Variants in ITGA8 observed in about 807,000 individuals in gnomAD.
The protein encoded by ITGA8 is integrin alpha-8.
A neutral mutation model predicts 142.3 loss-of-function variants in ITGA8; 91 were observed. That is an observed-to-expected ratio of 0.64 (90% CI 0.54 to 0.76). The LOEUF (loss-of-function observed/expected upper bound fraction) is 0.76. ITGA8 is among the 30% of genes least tolerant of loss of function. The pLI is 0.00. For synonymous variants in ITGA8, 505 were observed against 485.2 expected, an observed-to-expected ratio of 1.04 and a Z score of -0.54; for missense variants, 1,406 against 1,327.7, an observed-to-expected ratio of 1.06 and a Z score of -0.92.
At chr10:15,636,046 C>T (rs546965585) in intron 13 of ITGA8, among the ~76,000 whole-genome samples, 3 of 151,934 alleles carry the variant, frequency 2.0e-5, no homozygotes, top group Non-Finnish European at 4.4e-5. Flanking sequence ...ATAGTAGGGG[C>T]CCGGATGAGA....
intron 12 of ITGA8, among the ~76,000 whole-genome samples, chr10:15,645,127 A>G (rs1261568018): frequency 6.6e-6 from 1 of 151,288 alleles, no homozygotes; most frequent in African/African-American, 2.4e-5. Flanking sequence ...AGATGATCTA[A>G]AAACTCAGAT....
chr10:15,549,201 GTTTTTTTTTTTTTT>G (rs67683436), intron 26 of ITGA8, among the ~76,000 whole-genome samples: 1 of 107,342 alleles, frequency 9.3e-6, no homozygotes, highest in Non-Finnish European at 1.7e-5. Flanking sequence ...TTTCTTTTCT[GTTTTTTTTTTTTTT>G]TTTTTTTTTT....
At chr10:15,549,113 A>G (rs1213120728) in intron 26 of ITGA8, among the ~76,000 whole-genome samples, 1 of 151,834 alleles carries the variant, frequency 6.6e-6, no homozygotes, top group Non-Finnish European at 1.5e-5. Context: ...AACCTTTAAT[A>G]TATGAAATGT....
chr10:15,554,800 G>C (rs868801910), intron 26 of ITGA8, among the ~76,000 whole-genome samples: 3 of 151,164 alleles, frequency 2.0e-5, no homozygotes, highest in Non-Finnish European at 4.4e-5. Flanking sequence ...TCCACAGGCT[G>C]TACAGGAAGC....
At position 15,651,700 on chromosome 10, in the gene ITGA8, A is replaced by G. The variant is rs570504120; in HGVS notation, c.1001+3654T>C. Among the ~76,000 whole-genome samples, 5 of 152,296 alleles carry G rather than the reference A, an allele frequency of 3.3e-5. No homozygotes were observed. In the East Asian group the frequency reaches 5.8e-4, roughly 18 times the overall value. ...GGAAAGGAGAGTCTGGTTCAAGCCC[A>G]TAAATGTGTGCGTGCAGGGAAGTCC... is the stretch of plus-strand genomic sequence containing the variant. On this transcript the variant is annotated intron_variant, in intron 11 of 29. Coordinates refer to ENST00000378076, the MANE Select transcript of ITGA8 (RefSeq NM_003638.3).
chr10:15,613,466 T>G, intron 15 of ITGA8, 194 bp downstream of exon 15: 1 of 580,192 alleles, frequency 1.7e-6, no homozygotes, highest in African/African-American at 1.9e-5. Context: ...TCATAGGTTC[T>G]CTTGAAAGAC....
At chr10:15,600,462 G>T (rs1328017151) in intron 20 of ITGA8, among the ~76,000 whole-genome samples, 2 of 152,214 alleles carry the variant, frequency 1.3e-5, no homozygotes, top group Non-Finnish European at 2.9e-5. Context: ...GAGTTAGTGT[G>T]TTGGGAGGAG....
At chr10:15,694,791 A>G (rs1835021532) in intron 2 of ITGA8, among the ~76,000 whole-genome samples, 2 of 149,854 alleles carry the variant, frequency 1.3e-5, no homozygotes, top group South Asian at 4.2e-4. Flanking sequence ...AAAGTATAAT[A>G]TGTTGTTAGT....
At chr10:15,526,471 C>T (rs530444468) in intron 28 of ITGA8, among the ~76,000 whole-genome samples, 10 of 152,144 alleles carry the variant, frequency 6.6e-5, no homozygotes, top group African/African-American at 1.9e-4. Flanking sequence ...CCACCGCACC[C>T]GGCCCATTAT....
chr10:15,552,120 T>C (rs1345558884), intron 26 of ITGA8, among the ~76,000 whole-genome samples: 1 of 151,998 alleles, frequency 6.6e-6, no homozygotes, highest in Non-Finnish European at 1.5e-5. Context: ...TTAAAAAACA[T>C]ACTTGAACTT....
chr10:15,706,200 C>T (rs1444288969), intron 2 of ITGA8, among the ~76,000 whole-genome samples: 1 of 152,042 alleles, frequency 6.6e-6, no homozygotes, highest in Non-Finnish European at 1.5e-5. Flanking sequence ...AAGTCTTATT[C>T]CTTCAGTTCC....
intron 2 of ITGA8, among the ~76,000 whole-genome samples, chr10:15,710,681 T>A (rs1367300034): frequency 6.6e-6 from 1 of 152,142 alleles, no homozygotes; most frequent in African/African-American, 2.4e-5. Context: ...ATCAGTTGTG[T>A]AACTAGCGAG....
intron 6 of ITGA8, among the ~76,000 whole-genome samples, chr10:15,677,339 T>C (rs1056156501): frequency 3.9e-5 from 6 of 152,238 alleles, no homozygotes; most frequent in Non-Finnish European, 1.5e-5. Flanking sequence ...GTTATGCTAA[T>C]TACCCTGATT....
chr10:15,696,773 G>A (rs981429326), intron 2 of ITGA8, among the ~76,000 whole-genome samples: 9 of 150,026 alleles, frequency 6.0e-5, no homozygotes, highest in Admixed American at 5.4e-4. Context: ...CAGGAGGATC[G>A]CTTGAGGCAG....
intron 19 of ITGA8, among the ~76,000 whole-genome samples, chr10:15,604,930 C>T (rs1391884892): frequency 6.6e-6 from 1 of 152,098 alleles, no homozygotes; most frequent in Non-Finnish European, 1.5e-5. Flanking sequence ...ACATGCAGTT[C>T]ACTTAGAACT....
At chr10:15,639,351 A>T (rs4633351) in intron 13 of ITGA8, among the ~76,000 whole-genome samples, 138,394 of 152,196 alleles carry the variant, frequency 0.91, 64,265 homozygotes, top group East Asian at 1. Flanking sequence ...GCCGCCAAGA[A>T]TCTAGGGTGG....
rs537795343 is a variant in ITGA8, at chr10:15,530,524, C to T, written c.2982+526G>A. On this transcript the variant is annotated intron_variant, in intron 28 of 29. Coordinates refer to ENST00000378076, the MANE Select transcript of ITGA8 (RefSeq NM_003638.3). ...TCGTGCCCCTGCACTCCAACCTGGG[C>T]GACAGAGCGAGACTCTCAAAAAAAA... Among the ~76,000 whole-genome samples the T allele has an allele frequency of 4.1e-3, 451 of 110,762 alleles. 3 individuals are homozygous for T. The highest frequency in any genetic ancestry group is 0.015 in the African/African-American group (422 of 27,524). 72.7% of individuals were successfully genotyped at this position (110,762 alleles called of 152,430 possible). A position where few individuals can be genotyped will look rare whatever the true frequency, so the allele number is the denominator to read the frequency against.
intron 14 of ITGA8, among the ~76,000 whole-genome samples, chr10:15,614,774 G>A (rs1833363362): frequency 6.6e-6 from 1 of 152,160 alleles, no homozygotes; most frequent in Admixed American, 6.5e-5. Context: ...CAGTGGGCCT[G>A]ATGGGATTCC....
intron 19 of ITGA8, among the ~76,000 whole-genome samples, chr10:15,604,653 G>C (rs114266771): frequency 5.0e-4 from 76 of 150,914 alleles, no homozygotes; most frequent in African/African-American, 1.7e-3. Context: ...ATGAACCGTG[G>C]TCATTTTCAA....
Sources: gnomAD v4.1 joint callset for allele counts (sites outside exome capture counted in the v4.1 genomes callset) on GRCh38, gnomAD v4.1.1 for gene constraint, MANE v1.5 for transcripts, NCBI Gene and HGNC (gene_info 2026-07-23, HGNC 2026-07-21) for gene names.